Variants in BRSK2 observed in about 807,000 individuals in gnomAD.
The protein encoded by BRSK2 is BR serine/threonine kinase 2.
A neutral mutation model predicts 83.3 loss-of-function variants in BRSK2; 19 were observed. The observed-to-expected ratio is 0.23, with a 90% confidence interval of 0.16 to 0.33. The LOEUF is 0.33. Among genes scored for constraint, BRSK2 ranks in the 10% least tolerant of loss-of-function variants. The pLI is 1.00. For synonymous variants in BRSK2, 519 were observed against 435.4 expected (o/e 1.19, Z -2.39); for missense variants, 798 against 1,042.3 (o/e 0.77, Z 3.23).
intron 2 of BRSK2, among the ~76,000 whole-genome samples, chr11:1,436,800 C>T (rs1220670242): frequency 6.6e-6 from 1 of 152,150 alleles, no homozygotes; most frequent in Non-Finnish European, 1.5e-5. Context: ...CTCTCCCTTC[C>T]TCTCCATTCG....
chr11:1,434,795 A>G (rs1200100684), intron 1 of BRSK2, among the ~76,000 whole-genome samples: 2 of 152,254 alleles, frequency 1.3e-5, no homozygotes, highest in African/African-American at 2.4e-5. Context: ...CATGGTTCCA[A>G]CATGCCCCAA....
rs546298182 is a variant in BRSK2 at position 1,456,549 on chromosome 11, C to T, written c.1849+21C>T. The T allele has an allele frequency of 1.3e-5, 20 of 1,596,544 alleles. No individual in the cohort carries two copies. The African/African-American group carries it at 1.7e-4, about 14-fold the overall frequency. On this transcript the variant is annotated intron_variant, in intron 17 of 19. Transcript: ENST00000528841. ...CTCAGGTGAGCTGGCGCCCCCAGGG[C>T]GGCTCCGGGCCCAGGCCCGTCCAGG...
chr11:1,443,677 G>A, intron 8 of BRSK2, 42 bp downstream of exon 8: 1 of 1,505,912 alleles, frequency 6.6e-7, no homozygotes, highest in Non-Finnish European at 8.8e-7. Flanking sequence ...GCGTGGCGGG[G>A]GGGCGCGGGG....
chr11:1,444,881 T>C (rs955020974), intron 8 of BRSK2, 90 bp from the exon 9 acceptor site: 25 of 1,246,124 alleles, frequency 2.0e-5, no homozygotes, highest in African/African-American at 3.0e-5. Context: ...CTCTCCGTGC[T>C]CCCAGCGCCC....
intron 9 of BRSK2, 53 bp downstream of exon 9, chr11:1,445,055 G>A: frequency 6.3e-7 from 1 of 1,592,140 alleles, no homozygotes; most frequent in Non-Finnish European, 8.6e-7. Flanking sequence ...GCTGTGGCCT[G>A]GAGGCCCTGC....
At chr11:1,447,846 A>G (rs772572345) in intron 12 of BRSK2, 11 of 1,597,012 alleles carry the variant, frequency 6.9e-6, no homozygotes, top group East Asian at 4.5e-5. Context: ...CCCATCCCCA[A>G]TTCAGCAAAG....
At chr11:1,444,847 CACTTG>C in intron 8 of BRSK2, 119 bp from the exon 9 acceptor site, 1 of 849,378 alleles carries the variant, frequency 1.2e-6, no homozygotes, top group Non-Finnish European at 2.0e-6. Flanking sequence ...TCCCCCCACT[CACTTG>C]CCCTCACCCT....
chr11:1,429,347 T>C (rs1043816273), intron 1 of BRSK2, among the ~76,000 whole-genome samples: 1 of 144,502 alleles, frequency 6.9e-6, no homozygotes, highest in East Asian at 2.2e-4. Flanking sequence ...CCTGGGTGCA[T>C]GTGCACTCGG....
intron 3 of BRSK2, among the ~76,000 whole-genome samples, chr11:1,440,025 A>C (rs1850979264): frequency 6.6e-6 from 1 of 152,144 alleles, no homozygotes; most frequent in Non-Finnish European, 1.5e-5. Context: ...AGCATGCACC[A>C]AGGTGCCACC....
chr11:1,438,982 G>C lies in BRSK2; in HGVS notation c.272+591G>C, dbSNP rs1488808905. The stretch of plus-strand genomic sequence containing the variant: ...GGAGCTCCTGGGAATGGGCACAGTG[G>C]TCACTCACGGCAGTCTCCTCTGTGT... On this transcript the variant is annotated intron_variant, in intron 3 of 19. Transcript: ENST00000528841. The surrounding 1 kb of genome is among the most constrained non-coding windows in gnomAD (Gnocchi z 6.4). Among the ~76,000 whole-genome samples, 1 of 152,136 alleles carries C rather than the reference G, an allele frequency of 6.6e-6. No individual in the cohort carries two copies. Among genetic ancestry groups the C allele is most frequent in the African/African-American group, 2.4e-5 (1 of 41,396 alleles).
chr11:1,410,444 T>C, intron 1 of BRSK2: 1 of 984,940 alleles, frequency 1.0e-6, no homozygotes, highest in Non-Finnish European at 1.2e-6. Flanking sequence ...GAGTCCGTGT[T>C]TGGGGGCGCC....
Position 1,454,270 on chromosome 11 carries a change from G to C in BRSK2, c.1545-215G>C. On this transcript the variant is annotated intron_variant, in intron 15 of 19. Coordinates refer to ENST00000528841, the MANE Select transcript of BRSK2 (RefSeq NM_001256627.2). This position sits in a 1 kb window ranked among gnomAD's most constrained non-coding sequence, Gnocchi z 5.2. Reference sequence around the variant, plus strand: ...AGGGCTTGGAGAAAGGTTAGGGTTGGGGTTGGGGTTAGAGCCACGGTGATG... The same window carrying C: ...AGGGCTTGGAGAAAGGTTAGGGTTGCGGTTGGGGTTAGAGCCACGGTGATG... 1 of 531,404 alleles carries C rather than the reference G, an allele frequency of 1.9e-6. No homozygotes were observed. Among genetic ancestry groups the C allele is most frequent in the Non-Finnish European group, 3.4e-6 (1 of 294,646 alleles). The allele number at this position is 531,404 out of a possible 1,614,324, so 32.9% of individuals were successfully genotyped here. A position where few individuals can be genotyped will look rare whatever the true frequency, so the allele number is the denominator to read the frequency against.
At position 1,390,612 on chromosome 11, in the gene BRSK2, CGGGGCGCGCAGGCGGACA is replaced by C. The variant is rs1845662064; in HGVS notation, c.91+245_91+262del. Among the ~76,000 whole-genome samples, 1 of 141,946 alleles carries C rather than the reference CGGGGCGCGCAGGCGGACA, an allele frequency of 7.0e-6. No individual in the cohort carries two copies. Among genetic ancestry groups the C allele is most frequent in the South Asian group, 2.5e-4 (1 of 3,992 alleles). The allele number at this position is 141,946 out of a possible 152,430, so 93.1% of individuals were successfully genotyped here. ...CGGCCCAAGGACACGCGGCGCGGCG[CGGGGCGCGCAGGCGGACA>C]GGGGCGCACGGGACGGCGCCCCTCG... is the stretch of plus-strand genomic sequence containing the variant. On this transcript the variant is annotated intron_variant, in intron 1 of 19. Coordinates refer to ENST00000528841, the MANE Select transcript of BRSK2 (RefSeq NM_001256627.2). This position sits in a 1 kb window ranked among gnomAD's most constrained non-coding sequence, Gnocchi z 6.8.
Position 1,442,861 on chromosome 11 carries a change from C to T in BRSK2, c.531-245C>T, listed in dbSNP as rs1265824225. 5.3e-5 allele frequency among the ~76,000 whole-genome samples: 8 copies of T among 152,226 alleles called. No homozygotes were observed. The South Asian group carries it at 6.2e-4, about 12-fold the overall frequency. ...AGAGAGGCTGGGACCCACTTACATG[C>T]CCCTCTCCTGGGGACCCCCTGGCCC... On this transcript the variant is annotated intron_variant, in intron 5 of 19. Coordinates refer to ENST00000528841, the MANE Select transcript of BRSK2 (RefSeq NM_001256627.2).
intron 1 of BRSK2, among the ~76,000 whole-genome samples, chr11:1,426,873 A>G (rs866591072): frequency 4.6e-5 from 7 of 152,198 alleles, no homozygotes; most frequent in South Asian, 2.1e-4. Context: ...AGGCAAGTCT[A>G]TGAAACGGGA....
At chr11:1,429,125 A>ACTGGGCGTGTGTC (rs1849620637) in intron 1 of BRSK2, among the ~76,000 whole-genome samples, 1 of 120,222 alleles carries the variant, frequency 8.3e-6, no homozygotes, top group Non-Finnish European at 1.7e-5. Flanking sequence ...GGGTGTGTGC[A>ACTGGGCGTGTGTC]CTGGGTGTGT....
chr11:1,453,485 G>GT lies in BRSK2; in HGVS notation c.1545-999dup, dbSNP rs201514567. ...CTCCAGGCCCTGGCATGGGGCTGGG[G>GT]TAAGGTCAGGGCCAGTGGTGGCCCT... On this transcript the variant is annotated intron_variant, in intron 15 of 19. Transcript: ENST00000528841. 8.7e-3 allele frequency among the ~76,000 whole-genome samples: 1,326 copies of GT among 152,368 alleles called. 33 individuals are homozygous for GT. The highest frequency in any genetic ancestry group is 0.052 in the Admixed American group (792 of 15,304).
intron 1 of BRSK2, among the ~76,000 whole-genome samples, chr11:1,402,050 C>T (rs1460268379): frequency 6.6e-6 from 1 of 152,226 alleles, no homozygotes; most frequent in East Asian, 1.9e-4. Context: ...ACCCCTCGTG[C>T]CCCGCCAGGG....
At chr11:1,449,417 T>C (rs11028292) in intron 12 of BRSK2, among the ~76,000 whole-genome samples, 3,017 of 152,298 alleles carry the variant, frequency 0.02, 113 homozygotes, top group African/African-American at 0.069. Flanking sequence ...GCACGAGGCC[T>C]GGAGCAGAAG....
Sources: allele counts gnomAD v4.1 joint callset (sites outside exome capture counted in the v4.1 genomes callset), GRCh38; gene constraint gnomAD v4.1.1; non-coding constraint Gnocchi (gnomAD v3.1); transcripts MANE v1.5; gene names NCBI Gene and HGNC (gene_info 2026-07-23, HGNC 2026-07-21).